The following MYO16 variants were observed in gnomAD, a reference collection of about 807,000 sequenced individuals.
MYO16 encodes the protein unconventional myosin-XVI.
Under a neutral mutation model 205.3 loss-of-function variants are expected in MYO16, and 94 were observed. The observed-to-expected ratio is 0.46, with a 90% CI of 0.39 to 0.54. MYO16 has a LOEUF of 0.54. Among genes scored for constraint, MYO16 ranks in the 20% least tolerant of loss-of-function variants. The probability of loss-of-function intolerance (pLI) is 0.00; values close to 1 mark genes in which losing one functional copy is unlikely to be tolerated. For synonymous variants in MYO16, 988 were observed against 954.0 expected (o/e 1.04, Z -0.66); for missense variants, 2,315 against 2,387.5 (o/e 0.97, Z 0.63).
chr13:108,677,510 T>C (rs1384814509), intron 2 of MYO16, among the ~76,000 whole-genome samples: 1 of 151,778 alleles, frequency 6.6e-6, no homozygotes, highest in Non-Finnish European at 1.5e-5. Flanking sequence ...TACATATACC[T>C]GTGTGTATTT....
intron 11 of MYO16, among the ~76,000 whole-genome samples, chr13:108,857,323 G>C (rs951821820): frequency 2.0e-5 from 3 of 152,234 alleles, no homozygotes; most frequent in Admixed American, 2.0e-4. Flanking sequence ...CCAAACACCA[G>C]AGACAAGGTT....
intron 20 of MYO16, among the ~76,000 whole-genome samples, chr13:108,978,795 G>A (rs887653052): frequency 2.6e-5 from 4 of 151,836 alleles, no homozygotes; most frequent in South Asian, 4.2e-4. Flanking sequence ...TTTAATGTCT[G>A]GTGAAATCGC....
intron 31 of MYO16, among the ~76,000 whole-genome samples, chr13:109,135,775 C>T (rs1419789203): frequency 1.3e-5 from 2 of 152,202 alleles, no homozygotes; most frequent in Non-Finnish European, 2.9e-5. Context: ...AATTCATAAT[C>T]CACCTGATTA....
chr13:108,837,615 T>A (rs1411306973), intron 9 of MYO16, among the ~76,000 whole-genome samples: 2 of 152,174 alleles, frequency 1.3e-5, no homozygotes, highest in African/African-American at 2.4e-5. Context: ...GACCCAGAGA[T>A]TTCAAAGGGC....
chr13:108,747,229 G>A (rs187678237), intron 4 of MYO16, among the ~76,000 whole-genome samples: 1 of 152,206 alleles, frequency 6.6e-6, no homozygotes, highest in East Asian at 1.9e-4. Flanking sequence ...GAAGAATAGA[G>A]AACATTGAAG....
chr13:108,858,355 C>A (rs1327720497), intron 11 of MYO16, among the ~76,000 whole-genome samples: 1 of 152,178 alleles, frequency 6.6e-6, no homozygotes, highest in Non-Finnish European at 1.5e-5. Flanking sequence ...AATAGAAAAT[C>A]ACTAGTTTAA....
At chr13:108,625,297 C>T (rs1879691878), upstream of MYO16, among the ~76,000 whole-genome samples, 1 of 152,172 alleles carries the variant, frequency 6.6e-6, no homozygotes, top group Admixed American at 6.5e-5. Flanking sequence ...ACAACCTCCA[C>T]AGTCACTAGA....
chr13:108,879,236 C>T (rs912752504), intron 12 of MYO16, among the ~76,000 whole-genome samples: 3 of 152,176 alleles, frequency 2.0e-5, no homozygotes, highest in Non-Finnish European at 4.4e-5. Flanking sequence ...TCACACTCAA[C>T]ATTGTGAGAT....
At chr13:108,620,845 C>A (rs974634247) in intron 1 of MYO16, among the ~76,000 whole-genome samples, 1 of 152,146 alleles carries the variant, frequency 6.6e-6, no homozygotes, top group African/African-American at 2.4e-5. Flanking sequence ...TTATGCATTT[C>A]AGATCTAAAC....
intron 27 of MYO16, among the ~76,000 whole-genome samples, chr13:109,058,665 C>CT (rs1887490852): frequency 6.6e-6 from 1 of 152,100 alleles, no homozygotes; most frequent in Admixed American, 6.6e-5. Flanking sequence ...CTTGATGTTG[C>CT]TGGCTGCTGA....
chr13:108,677,100 G>GTCATCTTC (rs1031172418), intron 2 of MYO16, among the ~76,000 whole-genome samples: 7 of 151,998 alleles, frequency 4.6e-5, no homozygotes, highest in African/African-American at 1.7e-4. Flanking sequence ...TTGAATCCTT[G>GTCATCTTC]TCATCTTCCA....
At chr13:109,200,604 A>G (rs541984997) in intron 34 of MYO16, among the ~76,000 whole-genome samples, 3 of 152,234 alleles carry the variant, frequency 2.0e-5, no homozygotes, top group East Asian at 1.9e-4. Context: ...AGATATTTTT[A>G]GTAAACACTG....
intron 4 of MYO16, among the ~76,000 whole-genome samples, chr13:108,777,574 A>G (rs912063599): frequency 6.6e-6 from 1 of 152,110 alleles, no homozygotes; most frequent in Non-Finnish European, 1.5e-5. Context: ...GTGGCAGCAA[A>G]CCTGGCTGGA....
At chr13:109,115,023 A>T (rs1465436624) in intron 28 of MYO16, among the ~76,000 whole-genome samples, 1 of 152,214 alleles carries the variant, frequency 6.6e-6, no homozygotes, top group African/African-American at 2.4e-5. Context: ...TGTGCATCAT[A>T]GAAAAATATC....
chr13:108,651,570 A>G (rs1247225340), intron 1 of MYO16, among the ~76,000 whole-genome samples: 1 of 152,178 alleles, frequency 6.6e-6, no homozygotes, highest in African/African-American at 2.4e-5. Flanking sequence ...TTTCCATTTT[A>G]AAGAGAAAAT....
In MYO16 at chr13:108,962,506, T is replaced by A; in HGVS notation, c.2227+11T>A. On this transcript the variant is annotated intron_variant, in intron 19 of 34. Transcript: ENST00000457511. ...TTCAATATTTTAAAGGTAATTTTTT[T>A]ATGCTCTAACATCTTTGTGCAATTT... The A allele has an allele frequency of 1.3e-6, 2 of 1,544,370 alleles. No homozygotes were observed. The highest frequency in any genetic ancestry group is 8.8e-7 in the Non-Finnish European group (1 of 1,134,974).
chr13:109,186,875 C>T (rs6492169), intron 34 of MYO16, among the ~76,000 whole-genome samples: 43,299 of 151,974 alleles, frequency 0.28, 6,495 homozygotes, highest in African/African-American at 0.33. Context: ...AAAAAAATTG[C>T]CCAAGATTCC....
intron 28 of MYO16, among the ~76,000 whole-genome samples, chr13:109,103,138 G>T (rs1437767343): frequency 1.3e-5 from 2 of 152,146 alleles, no homozygotes; most frequent in South Asian, 2.1e-4. Context: ...AGGAAAAAAA[G>T]ATTTTGTTAA....
chr13:108,884,579 G>A (rs898834524), intron 13 of MYO16, among the ~76,000 whole-genome samples: 11 of 152,284 alleles, frequency 7.2e-5, no homozygotes, highest in South Asian at 2.1e-4. Context: ...GAAAGACGCC[G>A]AGACAGGGGC....
Sources: allele counts gnomAD v4.1 joint callset (sites outside exome capture counted in the v4.1 genomes callset), GRCh38; gene constraint gnomAD v4.1.1; transcripts MANE v1.5; gene names NCBI Gene and HGNC (gene_info 2026-07-23, HGNC 2026-07-21).